AK5: variants seen among roughly 807,000 people sequenced by gnomAD.
AK5 encodes adenylate kinase isoenzyme 5.
A neutral mutation model predicts 69.5 loss-of-function variants in AK5; 27 were observed. The observed-to-expected ratio is 0.39, with a 90% CI of 0.29 to 0.54. The LOEUF (loss-of-function observed/expected upper bound fraction) is 0.54, where lower values mean the gene tolerates loss of function less well. AK5 is among the 20% of genes least tolerant of loss of function. The pLI is 0.71. For synonymous variants in AK5, 260 were observed against 244.4 expected, an observed-to-expected ratio of 1.06 and a Z score of -0.60; for missense variants, 531 against 700.4, an observed-to-expected ratio of 0.76 and a Z score of 2.73.
At chr1:77,421,655 G>A (rs551516457) in intron 8 of AK5, among the ~76,000 whole-genome samples, 1 of 152,316 alleles carries the variant, frequency 6.6e-6, no homozygotes, top group South Asian at 2.1e-4. Flanking sequence ...CAGGAAGGGA[G>A]AGATGGGTTT....
rs534871628 is a variant in AK5, at chr1:77,532,413, A to G, written c.1429-3434A>G. 3.4e-5 allele frequency: 5 copies of G among 148,288 alleles called. No homozygotes were observed. In the East Asian group the frequency reaches 1.0e-3, roughly 30 times the overall value. 9.2% of individuals were successfully genotyped at this position (148,288 alleles called of 1,614,324 possible). A position where few individuals can be genotyped will look rare whatever the true frequency, so the allele number is the denominator to read the frequency against. On this transcript the variant is annotated intron_variant, in intron 12 of 13. Coordinates refer to ENST00000354567, the MANE Select transcript of AK5 (RefSeq NM_174858.3). ...CCCCTCTCCTGGTTCCATTTGGCCC[A>G]CTCAGCTTCTTGCCCAAACTTCATT...
Position 77,302,265 on chromosome 1 carries a change from A to C in AK5, c.699+4318A>C, listed in dbSNP as rs1307779192. Among the ~76,000 whole-genome samples the C allele has an allele frequency of 3.3e-5, 5 of 152,068 alleles. No individual in the cohort carries two copies. The East Asian group carries it at 9.6e-4, about 29-fold the overall frequency. On this transcript the variant is annotated intron_variant, in intron 5 of 13. Coordinates refer to ENST00000354567, the MANE Select transcript of AK5 (RefSeq NM_174858.3). ...TAGAATTATGTTTATTTTGGTAAAAACTGTTTCTTTCCAAATTTGGTAGAT... is the reference window on the plus strand; with the variant it reads ...TAGAATTATGTTTATTTTGGTAAAACCTGTTTCTTTCCAAATTTGGTAGAT...
chr1:77,307,800 G>A (rs1341972992), intron 5 of AK5, among the ~76,000 whole-genome samples: 1 of 152,162 alleles, frequency 6.6e-6, no homozygotes, highest in African/African-American at 2.4e-5. Context: ...AGGGAGGAGT[G>A]GCATCTGCAA....
chr1:77,534,499 G>A (rs1435997403), intron 12 of AK5, among the ~76,000 whole-genome samples: 6 of 152,184 alleles, frequency 3.9e-5, no homozygotes, highest in East Asian at 1.9e-4. Context: ...ACAGTGAATC[G>A]TTAGTGAGTG....
At chr1:77,499,159 G>A (rs1394254309) in intron 10 of AK5, among the ~76,000 whole-genome samples, 1 of 152,222 alleles carries the variant, frequency 6.6e-6, no homozygotes, top group Non-Finnish European at 1.5e-5. Context: ...CCCTCCAAAT[G>A]TAACACTCAC....
Position 77,286,939 on chromosome 1 carries a change from A to G in AK5, c.61-2A>G. 1 of 1,415,010 alleles carries G rather than the reference A, an allele frequency of 7.1e-7. No homozygotes were observed. The highest frequency in any genetic ancestry group is 1.9e-5 in the South Asian group (1 of 53,570). 87.7% of individuals were successfully genotyped at this position (1,415,010 alleles called of 1,614,324 possible). ...ATTTGTACATATTTTGTTATATTTC[A>G]GAGCCTTTTGAATGGACTGATGTGT... On this transcript the variant is annotated splice_acceptor_variant, in intron 1 of 13. Transcript: ENST00000354567. LOFTEE classifies it high-confidence loss of function.
chr1:77,455,711 A>G (rs971566290), intron 8 of AK5, among the ~76,000 whole-genome samples: 1 of 152,268 alleles, frequency 6.6e-6, no homozygotes. Context: ...TCTGTACCCA[A>G]TAGTCATTAC....
At chr1:77,518,791 G>A (rs1216381736) in intron 11 of AK5, 64 bp downstream of exon 11, 16 of 1,513,464 alleles carry the variant, frequency 1.1e-5, no homozygotes, top group Non-Finnish European at 1.4e-5. Context: ...TGGGGTTTTT[G>A]TAATGAATCT....
chr1:77,298,672 A>C (rs567531479), intron 5 of AK5, among the ~76,000 whole-genome samples: 18 of 150,614 alleles, frequency 1.2e-4, no homozygotes, highest in Middle Eastern at 3.4e-3. Flanking sequence ...CACACACACA[A>C]AATTAACCGG....
At chr1:77,355,500 G>T (rs995154811) in intron 6 of AK5, among the ~76,000 whole-genome samples, 1 of 152,102 alleles carries the variant, frequency 6.6e-6, no homozygotes, top group Non-Finnish European at 1.5e-5. Flanking sequence ...ATTCTCTGCA[G>T]CTAAGGACTT....
chr1:77,413,579 T>C (rs1553147590), intron 7 of AK5, among the ~76,000 whole-genome samples: 1 of 152,148 alleles, frequency 6.6e-6, no homozygotes, highest in Non-Finnish European at 1.5e-5. Flanking sequence ...ACTCAACTGC[T>C]CTGGGCCTCC....
At chr1:77,429,105 G>C (rs1159777642) in intron 8 of AK5, among the ~76,000 whole-genome samples, 1 of 152,102 alleles carries the variant, frequency 6.6e-6, no homozygotes, top group Non-Finnish European at 1.5e-5. Flanking sequence ...ATAATCCTTT[G>C]GGTATATACC....
chr1:77,380,623 C>T (rs1029511503), intron 6 of AK5, among the ~76,000 whole-genome samples: 35 of 152,340 alleles, frequency 2.3e-4, no homozygotes, highest in African/African-American at 6.7e-4. Context: ...GCTAAATAAG[C>T]ACTGGGGAGT....
At chr1:77,368,240 T>TG (rs1557535352) in intron 6 of AK5, among the ~76,000 whole-genome samples, 9 of 3,484 alleles carry the variant, frequency 2.6e-3, no homozygotes, top group African/African-American at 2.9e-3. Context: ...TATATATATA[T>TG]ATATATATAT....
At chr1:77,430,830 A>C (rs2803148) in intron 8 of AK5, among the ~76,000 whole-genome samples, 1 of 152,168 alleles carries the variant, frequency 6.6e-6, no homozygotes, top group Non-Finnish European at 1.5e-5. Context: ...ATAATCATTG[A>C]ATATAGAAAC....
chr1:77,452,907 G>A (rs1009359118), intron 8 of AK5, among the ~76,000 whole-genome samples: 3 of 152,126 alleles, frequency 2.0e-5, no homozygotes, highest in Non-Finnish European at 1.5e-5. Flanking sequence ...TATCTGTGGA[G>A]GCAAATGTGT....
intron 11 of AK5, among the ~76,000 whole-genome samples, 173 bp downstream of exon 11, chr1:77,518,900 T>C (rs1193498253): frequency 6.6e-6 from 1 of 152,200 alleles, no homozygotes; most frequent in Non-Finnish European, 1.5e-5. Flanking sequence ...CAGACAGACC[T>C]TCTACTCAAC....
At chr1:77,457,072 T>C (rs1488006315) in intron 8 of AK5, among the ~76,000 whole-genome samples, 3 of 152,220 alleles carry the variant, frequency 2.0e-5, no homozygotes, top group African/African-American at 7.2e-5. Context: ...TTTGAGCCAC[T>C]GTCTTCTGCC....
chr1:77,366,491 G>A (rs576005552), intron 6 of AK5, among the ~76,000 whole-genome samples: 3 of 152,152 alleles, frequency 2.0e-5, no homozygotes, highest in Non-Finnish European at 4.4e-5. Context: ...CAGCAAGTGA[G>A]TGATAGATCC....
Sources: gnomAD v4.1 joint callset for allele counts (sites outside exome capture counted in the v4.1 genomes callset) on GRCh38, gnomAD v4.1.1 for gene constraint, MANE v1.5 for transcripts, NCBI Gene and HGNC (gene_info 2026-07-23, HGNC 2026-07-21) for gene names.